RIN2: variants seen among roughly 807,000 people sequenced by gnomAD.
The protein encoded by RIN2 is RAB5 interacting protein 2.
Under a neutral mutation model 78.0 loss-of-function variants are expected in RIN2, and 36 were observed. That is an observed-to-expected ratio of 0.46 (90% CI 0.35 to 0.61). The LOEUF is 0.61. Ranked by LOEUF, RIN2 falls within the 20% of genes least tolerant of loss-of-function variation. The probability of loss-of-function intolerance (pLI) is 0.00; values close to 1 mark genes in which losing one functional copy is unlikely to be tolerated. For synonymous variants in RIN2, 466 were observed against 466.8 expected (o/e 1.00, Z 0.02); for missense variants, 1,087 against 1,159.7 (o/e 0.94, Z 0.91).
intron 1 of RIN2, among the ~76,000 whole-genome samples, chr20:19,794,683 T>A (rs567423081): frequency 1.3e-3 from 193 of 150,138 alleles, no homozygotes; most frequent in African/African-American, 4.5e-3. Flanking sequence ...TTAAGAAAAA[T>A]TAAATCTAGT....
intron 2 of RIN2, among the ~76,000 whole-genome samples, chr20:19,844,661 T>TTCC (rs2036706669): frequency 1.5e-5 from 2 of 136,186 alleles, no homozygotes; most frequent in African/African-American, 6.0e-5. Context: ...CTTCTTCTTC[T>TTCC]TCTTCTTCCT....
chr20:19,950,243 C>T (rs755316051), intron 4 of RIN2, among the ~76,000 whole-genome samples: 12 of 152,282 alleles, frequency 7.9e-5, no homozygotes, highest in South Asian at 2.1e-4. Context: ...TTATACTTTG[C>T]GGGCCATTCT....
chr20:19,922,380 T>G (rs2039959820), intron 3 of RIN2, among the ~76,000 whole-genome samples: 1 of 152,252 alleles, frequency 6.6e-6, no homozygotes, highest in South Asian at 2.1e-4. Flanking sequence ...TCCTGACCAC[T>G]CTTTCTCTGG....
rs573531610 is a variant in RIN2 at position 19,958,191 on chromosome 20, A to G, written c.351+1384A>G. Among the ~76,000 whole-genome samples, 20 of 152,360 alleles carry G rather than the reference A, an allele frequency of 1.3e-4. 1 individual carries two copies. In the South Asian group the frequency reaches 4.1e-3, roughly 32 times the overall value. The stretch of plus-strand genomic sequence containing the variant: ...CTAAGACGTCTGCTAGAACATGCTC[A>G]GGGGAACAAGGCACGGTGCTTTCTC... On this transcript the variant is annotated intron_variant, in intron 5 of 12. Coordinates refer to ENST00000255006, the MANE Select transcript of RIN2 (RefSeq NM_018993.4).
At chr20:19,823,310 G>C (rs2035984023) in intron 2 of RIN2, 1 of 591,726 alleles carries the variant, frequency 1.7e-6, no homozygotes, top group South Asian at 2.1e-5. Context: ...ACTGAATGAA[G>C]TTCTCATCTT....
intron 3 of RIN2, among the ~76,000 whole-genome samples, chr20:19,917,295 C>T (rs2039726039): frequency 6.6e-6 from 1 of 152,166 alleles, no homozygotes; most frequent in Admixed American, 6.6e-5. Flanking sequence ...TGTTGCCAGC[C>T]TTCCATATGG....
chr20:19,784,125 G>T (rs570621912), intron 1 of RIN2, among the ~76,000 whole-genome samples: 1 of 152,222 alleles, frequency 6.6e-6, no homozygotes, highest in Non-Finnish European at 1.5e-5. Flanking sequence ...AAGGCAACTG[G>T]AAAATCACAT....
At chr20:19,999,270 C>A (rs2043067341) in intron 12 of RIN2, among the ~76,000 whole-genome samples, 1 of 151,994 alleles carries the variant, frequency 6.6e-6, no homozygotes, top group South Asian at 2.1e-4. Flanking sequence ...TATGTAGACC[C>A]TGTCTCTTAA....
At chr20:19,916,401 C>T (rs1396269173) in intron 3 of RIN2, among the ~76,000 whole-genome samples, 1 of 152,152 alleles carries the variant, frequency 6.6e-6, no homozygotes, top group Non-Finnish European at 1.5e-5. Context: ...GGAGGATTGC[C>T]TGAGGCCAGG....
intron 3 of RIN2, among the ~76,000 whole-genome samples, chr20:19,929,341 T>TTTTG (rs138773030): frequency 6.1e-4 from 93 of 151,780 alleles, no homozygotes; most frequent in East Asian, 1.4e-3. Flanking sequence ...TGTTTTTGGG[T>TTTTG]TTTGTTTGTT....
At chr20:19,963,039 C>A (rs1052109169) in intron 6 of RIN2, among the ~76,000 whole-genome samples, 1 of 152,164 alleles carries the variant, frequency 6.6e-6, no homozygotes, top group Non-Finnish European at 1.5e-5. Flanking sequence ...TATTTGGAAA[C>A]AATGCTTTCA....
intron 2 of RIN2, among the ~76,000 whole-genome samples, chr20:19,868,585 G>A (rs1381283138): frequency 6.6e-6 from 1 of 152,128 alleles, no homozygotes; most frequent in Non-Finnish European, 1.5e-5. Context: ...TGGGCAGACC[G>A]TGAACATTCG....
At chr20:19,887,210 G>C (rs575557580) in intron 2 of RIN2, among the ~76,000 whole-genome samples, 14 of 150,358 alleles carry the variant, frequency 9.3e-5, no homozygotes, top group African/African-American at 3.4e-4. Flanking sequence ...TTTTTTTAGA[G>C]ACAGGGTCTC....
chr20:19,955,423 AAC>A (rs2041493237), intron 4 of RIN2, among the ~76,000 whole-genome samples: 1 of 151,974 alleles, frequency 6.6e-6, no homozygotes, highest in African/African-American at 2.4e-5. Flanking sequence ...TGCAGCCTTA[AAC>A]TCCCAGGCTA....
intron 4 of RIN2, among the ~76,000 whole-genome samples, chr20:19,956,205 C>A (rs2041521965): frequency 6.7e-6 from 1 of 149,094 alleles, no homozygotes; most frequent in Non-Finnish European, 1.5e-5. Context: ...TTGCAGTGAG[C>A]CCAGATCGCG....
At chr20:19,958,294 CCTT>C (rs1158043260) in intron 5 of RIN2, among the ~76,000 whole-genome samples, 1 of 152,240 alleles carries the variant, frequency 6.6e-6, no homozygotes, top group Admixed American at 6.5e-5. Context: ...GATTTCCTCA[CCTT>C]CTGTGAAGCC....
At chr20:19,947,089 A>G (rs964395126) in intron 4 of RIN2, among the ~76,000 whole-genome samples, 2 of 152,020 alleles carry the variant, frequency 1.3e-5, no homozygotes, top group Non-Finnish European at 1.5e-5. Flanking sequence ...AATACATATA[A>G]CCATTAAAAT....
At chr20:19,977,734 T>G (rs574119758) in intron 9 of RIN2, among the ~76,000 whole-genome samples, 1 of 152,288 alleles carries the variant, frequency 6.6e-6, no homozygotes, top group Non-Finnish European at 1.5e-5. Flanking sequence ...CATCAGTAGT[T>G]CAGGGGAATT....
intron 2 of RIN2, among the ~76,000 whole-genome samples, chr20:19,835,009 A>C (rs1321266234): frequency 6.6e-6 from 1 of 152,018 alleles, no homozygotes; most frequent in Non-Finnish European, 1.5e-5. Flanking sequence ...AGAGAGAGAA[A>C]GAAAAAGAGA....
Sources: gnomAD v4.1 joint callset for allele counts (sites outside exome capture counted in the v4.1 genomes callset) on GRCh38, gnomAD v4.1.1 for gene constraint, MANE v1.5 for transcripts, NCBI Gene and HGNC (gene_info 2026-07-23, HGNC 2026-07-21) for gene names.